TJP2: variants seen among roughly 807,000 people sequenced by gnomAD.
TJP2 encodes the protein tight junction protein 2.
A neutral mutation model predicts 133.1 loss-of-function variants in TJP2; 91 were observed. That is an observed-to-expected ratio of 0.68 (90% CI 0.58 to 0.81). TJP2 has a LOEUF of 0.81. Ranked by LOEUF, TJP2 falls within the 40% of genes least tolerant of loss-of-function variation. The probability of loss-of-function intolerance (pLI) is 0.00; values close to 1 mark genes in which losing one functional copy is unlikely to be tolerated. For missense variants in TJP2, 1,541 were observed against 1,565.6 expected, an observed-to-expected ratio of 0.98 and a Z score of 0.26; for synonymous variants, 592 against 583.4, an observed-to-expected ratio of 1.01 and a Z score of -0.21.
At chr9:69,246,991 C>T (rs752327762) in intron 18 of TJP2, among the ~76,000 whole-genome samples, 13 of 152,186 alleles carry the variant, frequency 8.5e-5, no homozygotes, top group Non-Finnish European at 1.6e-4. Context: ...GTGACATGTG[C>T]AGCCCTACAT....
intron 17 of TJP2, among the ~76,000 whole-genome samples, chr9:69,245,069 A>G (rs1160246466): frequency 1.3e-5 from 2 of 152,348 alleles, no homozygotes; most frequent in African/African-American, 2.4e-5. Flanking sequence ...TTTAAGTATC[A>G]TATTTTAGCT....
At chr9:69,203,474 G>T (rs1284879071) in intron 1 of TJP2, among the ~76,000 whole-genome samples, 1 of 151,594 alleles carries the variant, frequency 6.6e-6, no homozygotes, top group Admixed American at 6.6e-5. Flanking sequence ...GATTTTTTGT[G>T]TGTGTTTTTA....
Position 69,228,061 on chromosome 9 carries a change from G to T in TJP2, c.1400G>T (p.Gly467Val). The stretch of plus-strand genomic sequence containing the variant: ...TTTAAGTCCACAGGGGATATTGCAG[G>T]CACAGTTGTCCCAGAGACCAACAAG... ...TPFKSTGDIAGTVVPETNKEP... is the reference protein window; with the variant it reads ...TPFKSTGDIAVTVVPETNKEP... The change falls in exon 9 of 23, where the codon GGC becomes GTC. Residue 467 changes from glycine (G) to valine (V), a missense_variant. Gly to Val is a moderately radical substitution (Grantham distance 109, BLOSUM62 -3). Transcript: ENST00000377245. 6.2e-7 allele frequency: 1 copy of T among 1,613,788 alleles called. No homozygotes were observed. The highest frequency in any genetic ancestry group is 1.1e-5 in the South Asian group (1 of 90,982).
rs75602451 is a variant in TJP2, at chr9:69,201,370, C to G, written c.61-11178C>G. Reference sequence around the variant, plus strand: ...TGGCCATCCTCTACTGTCCCCTCCCCCTTTTCTTTGTCAGGTCTTTGCCCT... The same window carrying G: ...TGGCCATCCTCTACTGTCCCCTCCCGCTTTTCTTTGTCAGGTCTTTGCCCT... On this transcript the variant is annotated intron_variant, in intron 1 of 22. Coordinates refer to ENST00000377245, the MANE Select transcript of TJP2 (RefSeq NM_004817.4). Among the ~76,000 whole-genome samples the G allele has an allele frequency of 8.4e-3, 1,268 of 151,320 alleles. 5 individuals carry two copies. Among genetic ancestry groups the G allele is most frequent in the African/African-American group, 0.029 (1,200 of 41,196 alleles).
At chr9:69,134,094 G>C (rs4745626) in intron 1 of TJP2, among the ~76,000 whole-genome samples, 138,398 of 152,180 alleles carry the variant, frequency 0.91, 63,068 homozygotes, top group East Asian at 1. Context: ...GCTTGTTGCA[G>C]CATTAGACTG....
intron 1 of TJP2, among the ~76,000 whole-genome samples, chr9:69,132,256 TTTAAGGACA>T (rs1822527469): frequency 6.6e-6 from 1 of 151,980 alleles, no homozygotes; most frequent in East Asian, 1.9e-4. Flanking sequence ...GGTTGTACAG[TTTAAGGACA>T]GTGTGAGACT....
At chr9:69,148,952 C>T (rs1323148633) in intron 1 of TJP2, among the ~76,000 whole-genome samples, 1 of 152,142 alleles carries the variant, frequency 6.6e-6, no homozygotes, top group Non-Finnish European at 1.5e-5. Context: ...AAATACTAAC[C>T]TAAAATACCC....
chr9:69,209,193 C>T (rs147595130), intron 1 of TJP2, among the ~76,000 whole-genome samples: 56 of 152,152 alleles, frequency 3.7e-4, no homozygotes, highest in African/African-American at 1.2e-3. Context: ...AGTGCAGTGG[C>T]GCAATCTCAG....
upstream of TJP2, among the ~76,000 whole-genome samples, chr9:69,172,795 A>G (rs576669470): frequency 6.6e-6 from 1 of 152,018 alleles, no homozygotes; most frequent in Admixed American, 6.6e-5. Context: ...CTGGTCTCAA[A>G]CTCGTGGGCT....
At chr9:69,196,603 TTTTTTA>T (rs1826576757) in intron 1 of TJP2, among the ~76,000 whole-genome samples, 1 of 122,760 alleles carries the variant, frequency 8.1e-6, no homozygotes, top group East Asian at 3.3e-4. Flanking sequence ...ATGTGATCTT[TTTTTTA>T]AAAACAGCTT....
chr9:69,254,363 A>G lies in TJP2; in HGVS notation c.3562A>G (p.Thr1188Ala), dbSNP rs192802385. The G allele has an allele frequency of 1.1e-4, 177 of 1,614,210 alleles. 1 individual carries two copies. The East Asian group carries it at 3.9e-3, about 36-fold the overall frequency. ...YYGQSARYRD[T>A]EL ...TGGCCAGTCTGCCCGATACCGGGAC[A>G]CAGAATTATAGATGTCTGAGCACGG... Residue 1188 changes from threonine to alanine, a missense_variant, in exon 23 of 23, where the codon ACA (threonine) becomes GCA (alanine). Physicochemically the swap from Thr to Ala is moderately conservative, Grantham distance 58. Coordinates refer to ENST00000377245, the MANE Select transcript of TJP2 (RefSeq NM_004817.4).
rs1829331514 is a variant in TJP2 at position 69,226,147 on chromosome 9, A to G, written c.1182A>G (p.Ser394=). The G allele has an allele frequency of 6.2e-7, 1 of 1,614,174 alleles. No homozygotes were observed. The highest frequency in any genetic ancestry group is 8.5e-7 in the Non-Finnish European group (1 of 1,180,028). The change falls in exon 7 of 23, where the codon TCA becomes TCG. Residue 394 remains serine (S), a synonymous_variant. Transcript: ENST00000377245. ...DSQQTLINIP[S]LNDSDSEIED... ...AGCAGACCCTCATCAACATCCCGTC[A>G]TTAAATGACAGTGACTCAGAAATAG...
At chr9:69,162,279 TTCC>T (rs1355979426) in intron 2 of TJP2, among the ~76,000 whole-genome samples, 1 of 151,244 alleles carries the variant, frequency 6.6e-6, no homozygotes, top group African/African-American at 2.4e-5. Context: ...ATTTATTTCA[TTCC>T]TCCATTTCTT....
chr9:69,230,202 G>C lies in TJP2; in HGVS notation c.1641G>C (p.Glu547Asp), dbSNP rs1829666522. The C allele has an allele frequency of 6.2e-7, 1 of 1,614,042 alleles. No individual in the cohort carries two copies. The highest frequency in any genetic ancestry group is 1.3e-5 in the African/African-American group (1 of 74,934). Residue 547 changes from glutamate to aspartate, a missense_variant, in exon 11 of 23, where the codon GAG (glutamate) becomes GAC (aspartate). Transcript: ENST00000377245. ...GIQEGTSAEQ[E>D]GLQEGDQILK... ...AAGAAGGGACCTCGGCGGAGCAGGAGGGCCTTCAAGAAGGAGACCAGATTC... is the reference window on the plus strand; with the variant it reads ...AAGAAGGGACCTCGGCGGAGCAGGACGGCCTTCAAGAAGGAGACCAGATTC...
intron 1 of TJP2, among the ~76,000 whole-genome samples, chr9:69,122,782 G>A (rs996610424): frequency 6.6e-6 from 1 of 152,166 alleles, no homozygotes; most frequent in Non-Finnish European, 1.5e-5. Flanking sequence ...GGCGAGTTCC[G>A]TAGGGAGGCC....
rs1272289487 is a variant in TJP2, at chr9:69,254,701, C to T, written c.*327C>T. On this transcript the variant is annotated 3_prime_UTR_variant, in exon 23 of 23. Coordinates refer to ENST00000377245, the MANE Select transcript of TJP2 (RefSeq NM_004817.4). ...TAATATGTATATTAAGAAGCAATAA[C>T]TATTTTTCCTCATTAATAGCTGCCT... The T allele has an allele frequency of 3.5e-6, 2 of 567,770 alleles. No homozygotes were observed. The highest frequency in any genetic ancestry group is 2.5e-5 in the South Asian group (1 of 39,920). The allele number at this position is 567,770 out of a possible 1,614,324, so 35.2% of individuals were successfully genotyped here.
In TJP2 at chr9:69,254,593, T is replaced by G. The variant is rs1202032342; in HGVS notation, c.*219T>G. ...TGGGTTAGAGGAGTCTGTGGCTTTT[T>G]GTTCAGAATTAAGCAGAACACTGCA... On this transcript the variant is annotated 3_prime_UTR_variant, in exon 23 of 23. Transcript: ENST00000377245. 1.1e-5 allele frequency: 7 copies of G among 633,516 alleles called. No homozygotes were observed. Among genetic ancestry groups the G allele is most frequent in the Non-Finnish European group, 2.0e-5 (7 of 357,150 alleles). The allele number at this position is 633,516 out of a possible 1,614,324, so 39.2% of individuals were successfully genotyped here.
rs1828981420 is a variant in TJP2, at chr9:69,222,715, A to G, written c.952+1219A>G. 2.6e-5 allele frequency among the ~76,000 whole-genome samples: 4 copies of G among 152,110 alleles called. No individual in the cohort carries two copies. The South Asian group carries it at 8.3e-4, about 32-fold the overall frequency. ...CCAGTGGTTCTCAAAGCAGTGCATC[A>G]CCTGGGCACCCCTTAGAAATGCAGA... On this transcript the variant is annotated intron_variant, in intron 5 of 22. Transcript: ENST00000377245.
rs376454579 is a variant in TJP2 at position 69,221,326 on chromosome 9, A to G, written c.782A>G (p.Tyr261Cys). ...TATCACCGGGCCTACGACCCAGACT[A>G]CGAGCGGGCCTACAGCCCGGAGTAC... ...RAYHRAYDPD[Y>C]ERAYSPEYRR... The change falls in exon 5 of 23, where the codon TAC (tyrosine) becomes TGC (cysteine). Residue 261 changes from tyrosine (Y) to cysteine (C), a missense_variant. Coordinates refer to ENST00000377245, the MANE Select transcript of TJP2 (RefSeq NM_004817.4). 13 of 1,599,358 alleles carry G rather than the reference A, an allele frequency of 8.1e-6. No homozygotes were observed. Among genetic ancestry groups the G allele is most frequent in the Non-Finnish European group, 1.1e-5 (13 of 1,173,480 alleles).
Sources: allele counts gnomAD v4.1 joint callset (sites outside exome capture counted in the v4.1 genomes callset), GRCh38; gene constraint gnomAD v4.1.1; transcripts MANE v1.5; gene names NCBI Gene and HGNC (gene_info 2026-07-23, HGNC 2026-07-21).